Variants in C11orf65 observed in about 807,000 individuals in gnomAD.
The protein encoded by C11orf65 is chromosome 11 open reading frame 65, also known as protein MFI.
In C11orf65, 38 loss-of-function variants were observed where a neutral mutation model predicts 35.3. The ratio of observed to expected loss-of-function variants is 1.08; its 90% CI spans 0.83 to 1.41. C11orf65 has a LOEUF of 1.41. C11orf65 is among the 40% of genes most tolerant of loss of function. The pLI, the probability that C11orf65 is intolerant of heterozygous loss-of-function variation, is 0.00. For missense variants in C11orf65, 370 were observed against 367.1 expected (o/e 1.01, Z -0.06); for synonymous variants, 105 against 114.4 (o/e 0.92, Z 0.53).
chr11:108,446,452 G>A (rs950045925), intron 2 of C11orf65, among the ~76,000 whole-genome samples: 9 of 151,670 alleles, frequency 5.9e-5, no homozygotes, highest in Non-Finnish European at 1.0e-4. Context: ...AACTCTACAA[G>A]CCAGAAGACA....
At chr11:108,308,914 G>C (rs1355117140) in exon 7 of C11orf65, 2 of 1,001,258 alleles carry the variant, frequency 2.0e-6, no homozygotes, top group African/African-American at 3.2e-5. Flanking sequence ...GTAGTGGAGA[G>C]CATTTGTTTT....
downstream of C11orf65, chr11:108,327,609 T>C (rs1203565687): frequency 6.6e-7 from 1 of 1,511,650 alleles, no homozygotes; most frequent in East Asian, 2.3e-5. Context: ...GTCATGGTAA[T>C]GCATTATATT....
chr11:108,371,275 G>C (rs1383832101), intron 2 of C11orf65, among the ~76,000 whole-genome samples: 2 of 152,152 alleles, frequency 1.3e-5, no homozygotes, highest in African/African-American at 2.4e-5. Flanking sequence ...TCGTTTTTAA[G>C]TATACGGTTC....
chr11:108,327,777 C>T (rs2136380870), downstream of C11orf65: 1 of 1,556,292 alleles, frequency 6.4e-7, no homozygotes, highest in Non-Finnish European at 8.9e-7. Flanking sequence ...TTTGGAGCAA[C>T]CCTTAAGATA....
At chr11:108,404,233 C>G (rs892078121) in intron 6 of C11orf65, among the ~76,000 whole-genome samples, 1 of 152,216 alleles carries the variant, frequency 6.6e-6, no homozygotes, top group Non-Finnish European at 1.5e-5. Context: ...CCCCTCTGTA[C>G]TGCAAGTGAA....
chr11:108,420,831 T>A (rs1439245870), intron 3 of C11orf65, among the ~76,000 whole-genome samples: 1 of 152,092 alleles, frequency 6.6e-6, no homozygotes, highest in Non-Finnish European at 1.5e-5. Flanking sequence ...CCCTGGCTGG[T>A]GTCAAACTCC....
intron 2 of C11orf65, among the ~76,000 whole-genome samples, chr11:108,352,525 C>T (rs1405748998): frequency 6.6e-6 from 1 of 152,148 alleles, no homozygotes; most frequent in East Asian, 1.9e-4. Flanking sequence ...AAACAGAGTT[C>T]CTAGACTTGA....
intron 2 of C11orf65, among the ~76,000 whole-genome samples, chr11:108,433,578 TCAAAACAAAACAAAA>T (rs140429504): frequency 2.0e-5 from 3 of 148,794 alleles, no homozygotes; most frequent in African/African-American, 5.0e-5. Flanking sequence ...AGACTCCGTC[TCAAAACAAAACAAAA>T]CAAAACAAAA....
chr11:108,314,026 A>T (rs958581733), intron 6 of C11orf65, among the ~76,000 whole-genome samples: 3 of 152,116 alleles, frequency 2.0e-5, no homozygotes, highest in African/African-American at 7.2e-5. Context: ...GTTTTGTGCT[A>T]TTTTTCAAAG....
At chr11:108,391,215 A>G (rs1288133731) in intron 7 of C11orf65, among the ~76,000 whole-genome samples, 3 of 152,030 alleles carry the variant, frequency 2.0e-5, no homozygotes, top group Non-Finnish European at 2.9e-5. Flanking sequence ...CTGCCTCTTC[A>G]TGCAGTATCC....
At chr11:108,415,131 A>C (rs935018840) in intron 3 of C11orf65, among the ~76,000 whole-genome samples, 1 of 152,134 alleles carries the variant, frequency 6.6e-6, no homozygotes, top group African/African-American at 2.4e-5. Context: ...TTTTCTATTC[A>C]ACATCACACT....
chr11:108,385,890 T>C (rs1472611296), intron 8 of C11orf65, 30 bp downstream of exon 8: 3 of 1,589,458 alleles, frequency 1.9e-6, no homozygotes, highest in East Asian at 2.2e-5. Flanking sequence ...CATGAGAATT[T>C]CCTATAAAGT....
At chr11:108,397,506 G>A (rs1350231895) in intron 6 of C11orf65, among the ~76,000 whole-genome samples, 1 of 150,242 alleles carries the variant, frequency 6.7e-6, no homozygotes, top group Non-Finnish European at 1.5e-5. Flanking sequence ...AAAGACCTAG[G>A]AAGAATCAAA....
rs751234924 is a variant in C11orf65 at position 108,331,449 on chromosome 11, C to T, written c.*101G>A. The T allele has an allele frequency of 7.2e-5, 116 of 1,610,900 alleles. No homozygotes were observed. Among genetic ancestry groups the T allele is most frequent in the East Asian group, 2.2e-4 (10 of 44,598 alleles). On this transcript the variant is annotated 3_prime_UTR_variant, in exon 4 of 4. Coordinates refer to the C11orf65 transcript ENST00000524755. ...TGTCTTTTTTTTAATGGTAGAGAGA[C>T]GGAATGAAGATTCCAACATATAAAT...
At chr11:108,363,792 G>T (rs552761748) in intron 2 of C11orf65, among the ~76,000 whole-genome samples, 1 of 152,076 alleles carries the variant, frequency 6.6e-6, no homozygotes, top group South Asian at 2.1e-4. Flanking sequence ...TCTAATATTT[G>T]CAAGTATGAT....
rs1057516282 is a variant in C11orf65, at chr11:108,365,400, A to AG, written c.226+27807dup. The AG allele has an allele frequency of 1.2e-6, 2 of 1,614,220 alleles. No homozygotes were observed. The highest frequency in any genetic ancestry group is 1.7e-6 in the Non-Finnish European group (2 of 1,180,040). On this transcript the variant is annotated intron_variant, in intron 2 of 3. Transcript: ENST00000524755. ...TACAAGAGAAACTGAAAGGAGTGGA[A>AG]GAAGGCACTGTGCTCAGTGTTGGTG...
chr11:108,437,113 G>T (rs1565694319), intron 2 of C11orf65, among the ~76,000 whole-genome samples: 1 of 148,248 alleles, frequency 6.7e-6, no homozygotes, highest in Non-Finnish European at 1.5e-5. Flanking sequence ...AAAAAAAAGG[G>T]GGGGGGTGGA....
intron 6 of C11orf65, chr11:108,309,154 G>C (rs762883737): frequency 1.3e-6 from 1 of 772,962 alleles, no homozygotes; most frequent in Non-Finnish European, 2.2e-6. Flanking sequence ...AAAATTACTT[G>C]TTATCCTGTA....
chr11:108,315,531 G>A lies in C11orf65; in HGVS notation c.641-6460C>T, dbSNP rs634268. 0.62 allele frequency among the ~76,000 whole-genome samples: 94,552 copies of A among 151,796 alleles called. 29,742 individuals carry two copies. The highest frequency in any genetic ancestry group is 0.77 in the Middle Eastern group (226 of 294). On this transcript the variant is annotated intron_variant, in intron 6 of 6. Transcript: ENST00000525729. The stretch of plus-strand genomic sequence containing the variant: ...GACATAACTTTTAAAAAATTTTTCA[G>A]TAGTTCTAAACTGTGTGGTTTGTGA...
Sources: allele counts gnomAD v4.1 joint callset (sites outside exome capture counted in the v4.1 genomes callset), GRCh38; gene constraint gnomAD v4.1.1; transcripts MANE v1.5; gene names NCBI Gene and HGNC (gene_info 2026-07-23, HGNC 2026-07-21).